The following SCN7A variants were observed in gnomAD, a reference collection of about 807,000 sequenced individuals.
The protein encoded by SCN7A is sodium channel protein type 7 subunit alpha.
In SCN7A, 138 loss-of-function variants were observed where a neutral mutation model predicts 155.2. That is an observed-to-expected ratio of 0.89 (90% CI 0.77 to 1.02). SCN7A has a LOEUF of 1.02. SCN7A is among the 50% of genes least tolerant of loss of function. The pLI, the probability that SCN7A is intolerant of heterozygous loss-of-function variation, is 0.00. For synonymous variants in SCN7A, 693 were observed against 649.0 expected, an observed-to-expected ratio of 1.07 and a Z score of -1.03; for missense variants, 2,058 against 1,986.6, an observed-to-expected ratio of 1.04 and a Z score of -0.68.
In SCN7A at chr2:166,490,112, A is replaced by G. The variant is rs1037537871; in HGVS notation, c.-127-3144T>C. Among the ~76,000 whole-genome samples, 13 of 152,256 alleles carry G rather than the reference A, an allele frequency of 8.5e-5. No individual in the cohort carries two copies. In the South Asian group the frequency reaches 2.3e-3, roughly 27 times the overall value. ...TTATTTCTTTGTAGTGGAAACATTT[A>G]AAATCTATTCCTTTAGCATTTTGAA... On this transcript the variant is annotated intron_variant, in intron 1 of 25. Transcript: ENST00000643258.
At chr2:166,470,930 A>G (rs1342047325) in intron 6 of SCN7A, among the ~76,000 whole-genome samples, 1 of 151,910 alleles carries the variant, frequency 6.6e-6, no homozygotes, top group East Asian at 1.9e-4. Context: ...AGAGTTTACA[A>G]AAGTTTGACA....
chr2:166,457,005 C>T lies in SCN7A; in HGVS notation c.1155G>A (p.Met385Ile), dbSNP rs759347692. Reference protein sequence around the residue: ...VVVSFLFSFYMASLFLGILAM... With the variant: ...VVVSFLFSFYIASLFLGILAM... ...CAAGTATGCCTAAGAACAAACTTGC[C>T]ATATAAAAGGAAAACAAAAAACTTA... Residue 385 changes from methionine (M) to isoleucine (I), a missense_variant, in exon 11 of 26, where the codon ATG becomes ATA. By Grantham distance (10) the Met-to-Ile change is conservative. Coordinates refer to ENST00000643258, the MANE Select transcript of SCN7A (RefSeq NM_002976.4). The T allele has an allele frequency of 6.2e-7, 1 of 1,610,498 alleles. No individual in the cohort carries two copies. The highest frequency in any genetic ancestry group is 8.5e-7 in the Non-Finnish European group (1 of 1,178,644).
chr2:166,430,385 ATTCT>A (rs1264901871), intron 16 of SCN7A, among the ~76,000 whole-genome samples: 1 of 151,968 alleles, frequency 6.6e-6, no homozygotes, highest in Non-Finnish European at 1.5e-5. Context: ...ACTTTTATAT[ATTCT>A]TTATTTATTT....
intron 2 of SCN7A, among the ~76,000 whole-genome samples, chr2:166,480,388 G>A (rs1216643660): frequency 6.6e-6 from 1 of 151,730 alleles, no homozygotes; most frequent in Non-Finnish European, 1.5e-5. Flanking sequence ...AGCCCGGGAG[G>A]CGGAGCTTGC....
At chr2:166,421,711 T>C (rs538872906) in intron 19 of SCN7A, among the ~76,000 whole-genome samples, 22 of 152,150 alleles carry the variant, frequency 1.4e-4, no homozygotes, top group Admixed American at 4.6e-4. Context: ...CATGCATTCA[T>C]ATACAAATAT....
At chr2:166,410,345 T>G in intron 23 of SCN7A, 21 bp from the exon 24 acceptor site, 1 of 1,486,316 alleles carries the variant, frequency 6.7e-7, no homozygotes, top group Non-Finnish European at 9.1e-7. Context: ...GAAAGAAAAA[T>G]ATATTAAAAT....
Position 166,405,875 on chromosome 2 carries a change from A to G in SCN7A, c.4754T>C (p.Val1585Ala). The G allele has an allele frequency of 6.2e-7, 1 of 1,613,010 alleles. No individual in the cohort carries two copies. Residue 1585 changes from valine to alanine, a missense_variant, in exon 26 of 26, where the codon GTT (valine) becomes GCT (alanine). By Grantham distance (64) the Val-to-Ala change is moderately conservative. Coordinates refer to ENST00000643258, the MANE Select transcript of SCN7A (RefSeq NM_002976.4). ...LDILLAFTKR[V>A]MGQDVRMEKV... is the part of the protein sequence containing the mutation. ...CTCCATCCTCACATCTTGACCCATA[A>G]CTCTCTTTGTAAAAGCAAGTAAGAT...
At chr2:166,448,636 T>G (rs1291368986) in intron 11 of SCN7A, among the ~76,000 whole-genome samples, 2 of 152,144 alleles carry the variant, frequency 1.3e-5, no homozygotes, top group African/African-American at 4.8e-5. Context: ...TTAAACTGAT[T>G]TAGGAGTTCT....
intron 15 of SCN7A, among the ~76,000 whole-genome samples, chr2:166,438,949 AAAG>A (rs1449123126): frequency 2.7e-5 from 4 of 150,146 alleles, no homozygotes; most frequent in African/African-American, 9.8e-5. Flanking sequence ...GTTCAAAATC[AAAG>A]AAGCAGGAAT....
At chr2:166,440,404 G>C (rs1039991328) in intron 15 of SCN7A, among the ~76,000 whole-genome samples, 4 of 152,138 alleles carry the variant, frequency 2.6e-5, no homozygotes, top group Admixed American at 6.5e-5. Flanking sequence ...GATTACGCTT[G>C]CATAGGTCTG....
rs563760964 is a variant in SCN7A at position 166,435,577 on chromosome 2, A to T, written c.2158-2825T>A. Among the ~76,000 whole-genome samples, 20 of 152,244 alleles carry T rather than the reference A, an allele frequency of 1.3e-4. No individual in the cohort carries two copies. The South Asian group carries it at 3.9e-3, about 30-fold the overall frequency. On this transcript the variant is annotated intron_variant, in intron 15 of 25. Coordinates refer to ENST00000643258, the MANE Select transcript of SCN7A (RefSeq NM_002976.4). ...GCATGAAAGAGGAAGAAAGTTCAAG[A>T]TTTAAGTAAGTACTTTCTGATTTGT...
intron 2 of SCN7A, among the ~76,000 whole-genome samples, chr2:166,479,832 C>G (rs973921368): frequency 6.6e-6 from 1 of 152,066 alleles, no homozygotes; most frequent in Non-Finnish European, 1.5e-5. Context: ...CCAAGTCCCT[C>G]AAGAAATGTT....
At chr2:166,439,055 G>GTGTGTATACATATATATATATATA in intron 15 of SCN7A, among the ~76,000 whole-genome samples, 1 of 113,412 alleles carries the variant, frequency 8.8e-6, no homozygotes, top group South Asian at 2.9e-4. Flanking sequence ...GTGTGTGTGT[G>GTGTGTATACATATATATATATATA]TATATATATA....
chr2:166,433,759 C>T (rs1182496211), intron 15 of SCN7A, among the ~76,000 whole-genome samples: 2 of 152,110 alleles, frequency 1.3e-5, no homozygotes, highest in Non-Finnish European at 2.9e-5. Context: ...CAGGGTCCTG[C>T]ATACCATATC....
chr2:166,427,943 C>G lies in SCN7A; in HGVS notation c.2699-1G>C. Reference sequence around the variant, plus strand: ...CCAAGTGAAGATCCGCGTCTGCAACCTGTCAAGATTGAATTGGTAAGAACA... The same window carrying G: ...CCAAGTGAAGATCCGCGTCTGCAACGTGTCAAGATTGAATTGGTAAGAACA... On this transcript the variant is annotated splice_acceptor_variant, in intron 17 of 25. Transcript: ENST00000643258. LOFTEE classifies it high-confidence loss of function. 1 of 1,612,308 alleles carries G rather than the reference C, an allele frequency of 6.2e-7. No individual in the cohort carries two copies. Among genetic ancestry groups the G allele is most frequent in the Non-Finnish European group, 8.5e-7 (1 of 1,178,980 alleles).
At chr2:166,475,122 A>G (rs12463842) in intron 3 of SCN7A, among the ~76,000 whole-genome samples, 1,787 of 93,496 alleles carry the variant, frequency 0.019, 46 homozygotes, top group African/African-American at 0.049. Flanking sequence ...ATATATATAC[A>G]TATATATATA....
intron 14 of SCN7A, 131 bp downstream of exon 14, chr2:166,443,372 T>C (rs548551699): frequency 4.1e-6 from 3 of 723,652 alleles, no homozygotes; most frequent in South Asian, 4.2e-5. Context: ...ATAAACTCTT[T>C]ATATACTAAT....
At chr2:166,414,279 TATATATACACACAC>T (rs1318300897) in intron 21 of SCN7A, among the ~76,000 whole-genome samples, 455 of 31,452 alleles carry the variant, frequency 0.014, 17 homozygotes, top group Non-Finnish European at 0.019. Flanking sequence ...CACATATATA[TATATATACACACAC>T]ATATATATAT....
chr2:166,480,011 T>C (rs1702883986), intron 2 of SCN7A, among the ~76,000 whole-genome samples: 1 of 152,184 alleles, frequency 6.6e-6, no homozygotes, highest in Non-Finnish European at 1.5e-5. Flanking sequence ...TATTTATAGA[T>C]ACCATATGCA....
Sources: allele counts gnomAD v4.1 joint callset (sites outside exome capture counted in the v4.1 genomes callset), GRCh38; gene constraint gnomAD v4.1.1; transcripts MANE v1.5; gene names NCBI Gene and HGNC (gene_info 2026-07-23, HGNC 2026-07-21).